PSD3: variants seen among roughly 807,000 people sequenced by gnomAD.
PSD3 encodes pleckstrin and Sec7 domain containing 3, also known as PH and SEC7 domain-containing protein 3.
A neutral mutation model predicts 105.5 loss-of-function variants in PSD3; 49 were observed. The ratio of observed to expected loss-of-function variants is 0.46; its 90% CI spans 0.37 to 0.59. The LOEUF is 0.59. Among genes scored for constraint, PSD3 ranks in the 20% least tolerant of loss-of-function variants. PSD3 has a pLI of 0.00. For missense variants in PSD3, 1,561 were observed against 1,263.8 expected, an observed-to-expected ratio of 1.24 and a Z score of -3.57; for synonymous variants, 557 against 457.8, an observed-to-expected ratio of 1.22 and a Z score of -2.77.
intron 4 of PSD3, chr8:18,809,035 A>G: frequency 1.1e-6 from 1 of 925,168 alleles, no homozygotes; most frequent in Admixed American, 3.5e-5. Flanking sequence ...AACGTAAGAA[A>G]CAGTGAGCCC....
At chr8:18,701,491 A>C (rs186086470) in intron 9 of PSD3, among the ~76,000 whole-genome samples, 5 of 152,348 alleles carry the variant, frequency 3.3e-5, no homozygotes, top group Admixed American at 6.5e-5. Context: ...CCTTTTATAC[A>C]GAATGGAACA....
intron 1 of PSD3, among the ~76,000 whole-genome samples, chr8:19,073,618 TG>T (rs1406108311): frequency 1.4e-5 from 2 of 143,280 alleles, no homozygotes; most frequent in Non-Finnish European, 3.0e-5. Flanking sequence ...TTGTCTTGTC[TG>T]AGAGGGAAAA....
intron 1 of PSD3, among the ~76,000 whole-genome samples, chr8:18,949,240 AAAAAATATATATAT>A (rs1274039767): frequency 1.1e-4 from 4 of 35,424 alleles, no homozygotes; most frequent in African/African-American, 3.2e-4. Context: ...AAAAAAAAAA[AAAAAATATATATAT>A]ATATATATAT....
intron 9 of PSD3, among the ~76,000 whole-genome samples, chr8:18,720,716 T>C (rs1203887697): frequency 4.6e-5 from 7 of 152,174 alleles, no homozygotes; most frequent in Admixed American, 4.6e-4. Context: ...GCTCTGCAGA[T>C]GGCATACAAT....
At chr8:18,657,544 A>T (rs1397460129) in intron 9 of PSD3, among the ~76,000 whole-genome samples, 2 of 152,226 alleles carry the variant, frequency 1.3e-5, no homozygotes, top group African/African-American at 4.8e-5. Context: ...ACTGAGGCAC[A>T]AAGACTATGC....
intron 2 of PSD3, among the ~76,000 whole-genome samples, chr8:18,879,726 A>G (rs192367163): frequency 6.6e-5 from 10 of 152,218 alleles, no homozygotes; most frequent in Admixed American, 6.5e-4. Context: ...GAGTAGCTGG[A>G]ACCACAGGCA....
chr8:18,580,818 G>C (rs945139472), intron 12 of PSD3, among the ~76,000 whole-genome samples: 3 of 152,250 alleles, frequency 2.0e-5, no homozygotes, highest in Admixed American at 6.5e-5. Flanking sequence ...AGAGATTCTT[G>C]AGAGCCTGAT....
intron 4 of PSD3, among the ~76,000 whole-genome samples, chr8:18,842,912 C>T (rs1202041954): frequency 6.6e-6 from 1 of 152,182 alleles, no homozygotes; most frequent in Non-Finnish European, 1.5e-5. Flanking sequence ...CTTGCCAGAA[C>T]ACATGGAACC....
intron 1 of PSD3, among the ~76,000 whole-genome samples, chr8:19,056,304 T>A (rs1828708316): frequency 6.6e-6 from 1 of 152,194 alleles, no homozygotes; most frequent in South Asian, 2.1e-4. Context: ...TCCTATAACA[T>A]AATTGATCGA....
chr8:18,994,802 A>G (rs1354815680), intron 1 of PSD3, among the ~76,000 whole-genome samples: 1 of 151,898 alleles, frequency 6.6e-6, no homozygotes, highest in Non-Finnish European at 1.5e-5. Flanking sequence ...AGAAGATCCT[A>G]AAAAGTATGC....
At chr8:19,020,559 T>C (rs937545844) in intron 1 of PSD3, among the ~76,000 whole-genome samples, 4 of 152,060 alleles carry the variant, frequency 2.6e-5, no homozygotes, top group African/African-American at 9.7e-5. Context: ...TTGGTAGATT[T>C]TGAGCAGAGG....
rs905500899 is a variant in PSD3, at chr8:18,770,715, C to CA, written c.2083-5178_2083-5177insT. On this transcript the variant is annotated intron_variant, in intron 8 of 15. Coordinates refer to ENST00000327040, the MANE Select transcript of PSD3 (RefSeq NM_015310.4). ...GTCCCAGAGGAAGTGTTTGGGTGCT[C>CA]TTTTAGCTTGGCTGTCTGCATATGG... Among the ~76,000 whole-genome samples, 16 of 152,198 alleles carry CA rather than the reference C, an allele frequency of 1.1e-4. No individual in the cohort carries two copies. The East Asian group carries it at 3.1e-3, about 29-fold the overall frequency.
At chr8:18,997,345 C>T (rs1029624566) in intron 1 of PSD3, among the ~76,000 whole-genome samples, 3 of 151,862 alleles carry the variant, frequency 2.0e-5, no homozygotes, top group Non-Finnish European at 4.4e-5. Flanking sequence ...CATGCTTTCT[C>T]CCACTCACAT....
intron 9 of PSD3, chr8:18,762,773 T>C (rs542465575): frequency 4.9e-6 from 2 of 407,250 alleles, no homozygotes; most frequent in Non-Finnish European, 4.0e-6. Flanking sequence ...TTAAATCAAC[T>C]GAATTGAAGG....
chr8:19,065,315 C>T (rs190282606), intron 1 of PSD3, among the ~76,000 whole-genome samples: 1 of 152,242 alleles, frequency 6.6e-6, no homozygotes, highest in East Asian at 1.9e-4. Context: ...TCTTTCTCTC[C>T]ATCACCAAGT....
chr8:18,854,903 A>C (rs1272204296), intron 4 of PSD3, among the ~76,000 whole-genome samples: 1 of 152,148 alleles, frequency 6.6e-6, no homozygotes, highest in African/African-American at 2.4e-5. Flanking sequence ...GGTTGTCCAA[A>C]GCCTGCTTCA....
At chr8:18,549,500 C>T (rs373404458) in intron 15 of PSD3, among the ~76,000 whole-genome samples, 31 of 152,302 alleles carry the variant, frequency 2.0e-4, no homozygotes, top group East Asian at 9.7e-4. Flanking sequence ...TGAGCCACCA[C>T]GCCTGGCCCT....
intron 15 of PSD3, among the ~76,000 whole-genome samples, chr8:18,540,733 T>G (rs574043996): frequency 2.8e-4 from 42 of 152,278 alleles, no homozygotes; most frequent in African/African-American, 1.0e-3. Flanking sequence ...CACTGCCCTG[T>G]TAAAACACAA....
rs999674485 is a variant in PSD3, at chr8:19,068,387, T to C, written c.324+15819A>G. 3.9e-5 allele frequency among the ~76,000 whole-genome samples: 6 copies of C among 152,160 alleles called. No homozygotes were observed. The South Asian group carries it at 1.2e-3, about 32-fold the overall frequency. ...TCACTGTAGCCTCGATCTTCAGGGC[T>C]TGAGAGATCCTCCTGCCCCAGCCTC... On this transcript the variant is annotated intron_variant, in intron 1 of 1. Coordinates refer to the PSD3 transcript ENST00000521475.
Sources: allele counts gnomAD v4.1 joint callset (sites outside exome capture counted in the v4.1 genomes callset), GRCh38; gene constraint gnomAD v4.1.1; transcripts MANE v1.5; gene names NCBI Gene and HGNC (gene_info 2026-07-23, HGNC 2026-07-21).